G3BP1: variants seen among roughly 807,000 people sequenced by gnomAD.
G3BP1 encodes G3BP stress granule assembly factor 1.
A neutral mutation model predicts 58.6 loss-of-function variants in G3BP1; 35 were observed. The observed-to-expected ratio is 0.60, with a 90% CI of 0.46 to 0.79. The LOEUF is 0.79. G3BP1 is among the 30% of genes least tolerant of loss of function. The pLI is 0.00. For missense variants in G3BP1, 523 were observed against 580.8 expected, an observed-to-expected ratio of 0.90 and a Z score of 1.02; for synonymous variants, 191 against 195.4, an observed-to-expected ratio of 0.98 and a Z score of 0.19.
At chr5:151,775,544 T>A (rs1419372505) in intron 1 of G3BP1, among the ~76,000 whole-genome samples, 1 of 152,254 alleles carries the variant, frequency 6.6e-6, no homozygotes, top group Non-Finnish European at 1.5e-5. Flanking sequence ...AATGTATGAA[T>A]GTGACACCTG....
At chr5:151,800,390 C>G in intron 10 of G3BP1, 44 bp downstream of exon 10, 1 of 1,476,092 alleles carries the variant, frequency 6.8e-7, no homozygotes, top group Non-Finnish European at 9.4e-7. Context: ...TAGTGTCTCT[C>G]TAGCACTGTC....
chr5:151,786,574 T>G lies in G3BP1; in HGVS notation c.-47T>G, dbSNP rs760317002. The G allele has an allele frequency of 7.7e-6, 9 of 1,165,916 alleles. No individual in the cohort carries two copies. Among genetic ancestry groups the G allele is most frequent in the Non-Finnish European group, 1.2e-5 (9 of 770,980 alleles). 72.2% of individuals were successfully genotyped at this position (1,165,916 alleles called of 1,614,324 possible). ...TTCCCCTGTGTTTGATCCTTCAGGT[T>G]TGGACATATTTGACTCTTTTCCCCC... is the stretch of plus-strand genomic sequence containing the variant. On this transcript the variant is annotated splice_region_variant and 5_prime_UTR_variant, in exon 2 of 12. Coordinates refer to ENST00000356245, the MANE Select transcript of G3BP1 (RefSeq NM_005754.3).
chr5:151,788,147 C>T (rs1308240709), intron 2 of G3BP1, among the ~76,000 whole-genome samples: 1 of 151,794 alleles, frequency 6.6e-6, no homozygotes, highest in African/African-American at 2.4e-5. Flanking sequence ...CTCCTGGGCT[C>T]AAGCAATTCG....
chr5:151,797,335 GC>G lies in G3BP1; in HGVS notation c.650del (p.Pro217GlnfsTer3). The G allele has an allele frequency of 6.2e-7, 1 of 1,614,098 alleles. No individual in the cohort carries two copies. The highest frequency in any genetic ancestry group is 1.7e-5 in the Admixed American group (1 of 60,022). On this transcript the variant is annotated frameshift_variant, in exon 7 of 12. Transcript: ENST00000356245. LOFTEE classifies it high-confidence loss of function. ...CTGAAATCCAAGAGGAAAAGCCTGA[GC>G]CAGTATTAGAAGAAACTGCCCCTGA... is the stretch of plus-strand genomic sequence containing the variant. ...VSEIQEEKPE[P>X]VLEETAPEDA... is the part of the protein sequence containing the mutation.
At chr5:151,791,144 A>G (rs1421856971) in intron 4 of G3BP1, 82 bp downstream of exon 4, 1 of 1,197,578 alleles carries the variant, frequency 8.4e-7, no homozygotes, top group African/African-American at 1.5e-5. Flanking sequence ...CTTTAAAAAC[A>G]CTTGAAATTT....
At chr5:151,780,749 A>G (rs1233411878) in intron 1 of G3BP1, among the ~76,000 whole-genome samples, 4 of 152,132 alleles carry the variant, frequency 2.6e-5, no homozygotes, top group Admixed American at 6.5e-5. Context: ...TCCTGGCCTC[A>G]TGATCGCCCA....
chr5:151,778,158 CTT>C (rs1762404907), intron 1 of G3BP1, among the ~76,000 whole-genome samples: 1 of 152,114 alleles, frequency 6.6e-6, no homozygotes, highest in Non-Finnish European at 1.5e-5. Flanking sequence ...GTATGCCTAA[CTT>C]TTAAAGAAAC....
At position 151,786,673 on chromosome 5, in the gene G3BP1, A is replaced by G. The variant is rs1762559578; in HGVS notation, c.53A>G (p.Gln18Arg). Residue 18 changes from glutamine to arginine, a missense_variant, in exon 2 of 12, where the codon CAG becomes CGG. Coordinates refer to ENST00000356245, the MANE Select transcript of G3BP1 (RefSeq NM_005754.3). ...PLLVGREFVRQYYTLLNQAPD... is the reference protein window; with the variant it reads ...PLLVGREFVRRYYTLLNQAPD... ...CTGGTCGGGCGGGAATTTGTGAGAC[A>G]GTATTACACACTGCTGAACCAGGCC... 2 of 1,613,430 alleles carry G rather than the reference A, an allele frequency of 1.2e-6. No homozygotes were observed. The highest frequency in any genetic ancestry group is 1.7e-6 in the Non-Finnish European group (2 of 1,179,340).
At chr5:151,796,329 C>T (rs1298843688) in intron 6 of G3BP1, among the ~76,000 whole-genome samples, 2 of 152,146 alleles carry the variant, frequency 1.3e-5, no homozygotes, top group South Asian at 2.1e-4. Context: ...AGTGCAGTGG[C>T]GCGATCTTGG....
At chr5:151,789,630 G>T (rs1445294859) in intron 2 of G3BP1, among the ~76,000 whole-genome samples, 1 of 152,206 alleles carries the variant, frequency 6.6e-6, no homozygotes, top group Non-Finnish European at 1.5e-5. Flanking sequence ...CTTATTCTCA[G>T]ATACATTAAT....
chr5:151,811,661 A>G lies in G3BP1; in HGVS notation c.*7570A>G, dbSNP rs939430658. Reference sequence around the variant, plus strand: ...TTTTACAAGCCAAAAAATAACTGCCATAACTTTTGTGACTTCATGCAAAAA... The same window carrying G: ...TTTTACAAGCCAAAAAATAACTGCCGTAACTTTTGTGACTTCATGCAAAAA... On this transcript the variant is annotated 3_prime_UTR_variant, in exon 12 of 12. Coordinates refer to ENST00000356245, the MANE Select transcript of G3BP1 (RefSeq NM_005754.3). 6.6e-6 allele frequency: 1 copy of G among 152,062 alleles called. No homozygotes were observed. The allele number at this position is 152,062 out of a possible 1,614,324, so 9.4% of individuals were successfully genotyped here. A position where few individuals can be genotyped will look rare whatever the true frequency, so the allele number is the denominator to read the frequency against.
At chr5:151,775,908 G>A (rs1159386658) in intron 1 of G3BP1, among the ~76,000 whole-genome samples, 2 of 152,180 alleles carry the variant, frequency 1.3e-5, no homozygotes, top group Non-Finnish European at 2.9e-5. Context: ...TGGAAGAGTT[G>A]CAATAGAGAG....
At chr5:151,787,843 A>G (rs1762577032) in intron 2 of G3BP1, 1 of 73,220 alleles carries the variant, frequency 1.4e-5, no homozygotes, top group Admixed American at 1.4e-4. Flanking sequence ...TTTTCAATTC[A>G]TAAAATAAAA....
chr5:151,778,906 A>T (rs1209298129), intron 1 of G3BP1, among the ~76,000 whole-genome samples: 1 of 151,934 alleles, frequency 6.6e-6, no homozygotes, highest in African/African-American at 2.4e-5. Context: ...AAAATACAAA[A>T]ATTAGTCGGG....
At position 151,791,008 on chromosome 5, in the gene G3BP1, TAAC is replaced by T. The variant is rs1470667069; in HGVS notation, c.304_306del (p.Asn102del). The stretch of plus-strand genomic sequence containing the variant: ...TAGTCCAGGTGATGGGGCTTCTCTC[TAAC>T]AACAACCAGGCTTTGAGGAGATTCA... On this transcript the variant is annotated inframe_deletion, in exon 4 of 12. Coordinates refer to ENST00000356245, the MANE Select transcript of G3BP1 (RefSeq NM_005754.3). The T allele has an allele frequency of 6.2e-7, 1 of 1,613,794 alleles. No homozygotes were observed. The highest frequency in any genetic ancestry group is 8.5e-7 in the Non-Finnish European group (1 of 1,179,870).
At chr5:151,786,355 T>C (rs1762554927) in intron 1 of G3BP1, among the ~76,000 whole-genome samples, 1 of 152,232 alleles carries the variant, frequency 6.6e-6, no homozygotes, top group South Asian at 2.1e-4. Context: ...TCTTACGTCT[T>C]GAATATTGGG....
In G3BP1 at chr5:151,810,012, A is replaced by AT. The variant is rs969088033; in HGVS notation, c.*5925dup. 2.0e-5 allele frequency: 3 copies of AT among 152,246 alleles called. No homozygotes were observed. Among genetic ancestry groups the AT allele is most frequent in the Admixed American group, 2.0e-4 (3 of 15,304 alleles). The allele number at this position is 152,246 out of a possible 1,614,324, so 9.4% of individuals were successfully genotyped here. ...TGTAATTTCTCCTAAATACTTCAGC[A>AT]TTTTGCATTCTGTACATTGTGGTGC... On this transcript the variant is annotated 3_prime_UTR_variant, in exon 12 of 12. Transcript: ENST00000356245.
chr5:151,800,470 G>C (rs1175962401), intron 10 of G3BP1, 124 bp downstream of exon 10: 2 of 633,286 alleles, frequency 3.2e-6, no homozygotes, highest in East Asian at 5.8e-5. Flanking sequence ...AAAAAAAAAA[G>C]GTAAAAAGAA....
In G3BP1 at chr5:151,797,268, C is replaced by G. The variant is rs1230751214; in HGVS notation, c.581C>G (p.Pro194Arg). Residue 194 changes from proline (P) to arginine (R), a missense_variant, in exon 7 of 12, where the codon CCA (proline) becomes CGA (arginine). This residue lies in a region of G3BP1 where 398 missense variants were observed against 399.1 expected (regional missense o/e 1.00). Transcript: ENST00000356245. ...EEHLEEPVAE[P>R]EPDPEPEPEQ... The stretch of plus-strand genomic sequence containing the variant: ...CATTTAGAGGAGCCTGTTGCTGAAC[C>G]AGAGCCTGATCCTGAACCAGAACCA... 1 of 1,612,998 alleles carries G rather than the reference C, an allele frequency of 6.2e-7. No individual in the cohort carries two copies. The highest frequency in any genetic ancestry group is 2.2e-5 in the East Asian group (1 of 44,860).
Sources: allele counts gnomAD v4.1 joint callset (sites outside exome capture counted in the v4.1 genomes callset), GRCh38; gene constraint gnomAD v4.1.1; regional missense constraint gnomAD v4.1.1; transcripts MANE v1.5; gene names NCBI Gene and HGNC (gene_info 2026-07-23, HGNC 2026-07-21).